Variants in STK35 observed in about 807,000 individuals in gnomAD.
STK35 encodes the protein serine/threonine kinase 35.
STK35 carries 17 observed loss-of-function variants against 37.3 expected under a neutral mutation model. The observed-to-expected ratio is 0.46, with a 90% CI of 0.31 to 0.68. The LOEUF (loss-of-function observed/expected upper bound fraction) is 0.68. STK35 is among the 30% of genes least tolerant of loss of function. The probability of loss-of-function intolerance (pLI) is 0.05; values close to 1 mark genes in which losing one functional copy is unlikely to be tolerated. For synonymous variants in STK35, 385 were observed against 319.1 expected (o/e 1.21, Z -2.20); for missense variants, 595 against 746.7 (o/e 0.80, Z 2.37).
At chr20:2,141,329 A>T (rs1020684011) in intron 3 of STK35, among the ~76,000 whole-genome samples, 5 of 152,238 alleles carry the variant, frequency 3.3e-5, no homozygotes, top group African/African-American at 1.2e-4. Context: ...ACCAAGGAAC[A>T]GAAGCAGCAG....
Position 2,117,082 on chromosome 20 carries a change from A to G in STK35, c.1309A>G (p.Ile437Val), listed in dbSNP as rs776919233. Residue 437 changes from isoleucine (I) to valine (V), a missense_variant, in exon 3 of 4, where the codon ATC becomes GTC. Around this residue, in one of 3 missense-constraint regions of STK35, gnomAD observed 109 missense variants for 280.3 expected, o/e 0.39. Transcript: ENST00000381482. The surrounding 1 kb of genome is among the most constrained non-coding windows in gnomAD (Gnocchi z 4.4). ...GGGACACTACACAGCCAAGGCGGAC[A>G]TCTTTGCCCTGGGCATTATCATCTG... ...WEGHYTAKADIFALGIIIWAM... is the reference protein window; with the variant it reads ...WEGHYTAKADVFALGIIIWAM... The G allele has an allele frequency of 1.2e-6, 2 of 1,614,056 alleles. No homozygotes were observed. Among genetic ancestry groups the G allele is most frequent in the Admixed American group, 3.3e-5 (2 of 60,012 alleles).
At chr20:2,118,380 A>G (rs1293665954) in intron 3 of STK35, among the ~76,000 whole-genome samples, 2 of 151,774 alleles carry the variant, frequency 1.3e-5, no homozygotes, top group Admixed American at 1.3e-4. Context: ...GGAGATCAAG[A>G]CCATCCTGGC....
intron 2 of STK35, among the ~76,000 whole-genome samples, chr20:2,106,604 G>C (rs924103122): frequency 5.9e-5 from 9 of 152,220 alleles, no homozygotes; most frequent in East Asian, 3.8e-4. Context: ...TCAGGAGTTA[G>C]GGAGAAGGTG....
intron 2 of STK35, among the ~76,000 whole-genome samples, chr20:2,107,056 C>T (rs1294666951): frequency 6.6e-6 from 1 of 152,230 alleles, no homozygotes; most frequent in Non-Finnish European, 1.5e-5. Context: ...ATACTTCTCA[C>T]ATAAAGGTTG....
rs1377767164 is a variant in STK35 at position 2,144,180 on chromosome 20, C to G, written c.*434C>G. 3 of 288,634 alleles carry G rather than the reference C, an allele frequency of 1.0e-5. No homozygotes were observed. Among genetic ancestry groups the G allele is most frequent in the Non-Finnish European group, 1.3e-5 (2 of 150,760 alleles). The allele number at this position is 288,634 out of a possible 1,614,324, so 17.9% of individuals were successfully genotyped here. A position where few individuals can be genotyped will look rare whatever the true frequency, so the allele number is the denominator to read the frequency against. The stretch of plus-strand genomic sequence containing the variant: ...TTCCTTCTTTATACTTTTCTCAGTT[C>G]TACTTATGACACCTCACTTCCCTAG... On this transcript the variant is annotated 3_prime_UTR_variant, in exon 4 of 4. Transcript: ENST00000381482.
At chr20:2,115,704 G>C (rs1435834067) in intron 2 of STK35, among the ~76,000 whole-genome samples, 1 of 152,112 alleles carries the variant, frequency 6.6e-6, no homozygotes, top group Non-Finnish European at 1.5e-5. Flanking sequence ...CTTGTACATC[G>C]ACTTTAGACT....
At chr20:2,124,560 A>T (rs902628640) in intron 3 of STK35, among the ~76,000 whole-genome samples, 3 of 152,148 alleles carry the variant, frequency 2.0e-5, no homozygotes, top group African/African-American at 7.2e-5. Flanking sequence ...CAATTCTTTA[A>T]TCCAGGCAGA....
At chr20:2,111,450 A>G (rs1339232451) in intron 2 of STK35, among the ~76,000 whole-genome samples, 1 of 152,094 alleles carries the variant, frequency 6.6e-6, no homozygotes, top group Non-Finnish European at 1.5e-5. Flanking sequence ...ATTACCCAGT[A>G]CTTAAGGAGG....
chr20:2,137,816 G>T (rs188185151), intron 3 of STK35, among the ~76,000 whole-genome samples: 1 of 145,448 alleles, frequency 6.9e-6, no homozygotes, highest in Admixed American at 6.7e-5. Context: ...GGGCTGGCAT[G>T]TTGATGTCTG....
Position 2,147,438 on chromosome 20 carries a change from G to A in STK35, c.*3692G>A, listed in dbSNP as rs1034294596. On this transcript the variant is annotated 3_prime_UTR_variant, in exon 4 of 4. Transcript: ENST00000381482. The stretch of plus-strand genomic sequence containing the variant: ...GGCATTGTGGGAATTTTCTTTTTAT[G>A]CTGTTAGCTGTTTACCTTCTTAGAA... The A allele has an allele frequency of 1.2e-4, 19 of 152,552 alleles. No homozygotes were observed. The highest frequency in any genetic ancestry group is 4.6e-4 in the African/African-American group (19 of 41,432). The allele number at this position is 152,552 out of a possible 1,614,324, so 9.4% of individuals were successfully genotyped here. A position where few individuals can be genotyped will look rare whatever the true frequency, so the allele number is the denominator to read the frequency against.
intron 2 of STK35, among the ~76,000 whole-genome samples, chr20:2,111,190 C>G (rs1035767616): frequency 6.6e-6 from 1 of 152,198 alleles, no homozygotes; most frequent in Non-Finnish European, 1.5e-5. Flanking sequence ...CAGTCGGCCA[C>G]TAGGCTGTCT....
At chr20:2,105,447 T>G (rs1490019411) in intron 2 of STK35, among the ~76,000 whole-genome samples, 1 of 152,206 alleles carries the variant, frequency 6.6e-6, no homozygotes, top group African/African-American at 2.4e-5. Flanking sequence ...TGGACTTTCC[T>G]CACCTGAAGA....
At chr20:2,107,984 T>C (rs1435808639) in intron 2 of STK35, among the ~76,000 whole-genome samples, 1 of 152,226 alleles carries the variant, frequency 6.6e-6, no homozygotes, top group Non-Finnish European at 1.5e-5. Flanking sequence ...GTGAAGTCAG[T>C]ACCGTGATTA....
At chr20:2,124,696 G>A (rs1985875030) in intron 3 of STK35, among the ~76,000 whole-genome samples, 1 of 152,174 alleles carries the variant, frequency 6.6e-6, no homozygotes, top group South Asian at 2.1e-4. Context: ...GAGTCAGAGT[G>A]TTTGGTTCTC....
At chr20:2,127,512 A>G (rs772124846) in intron 3 of STK35, among the ~76,000 whole-genome samples, 7 of 152,230 alleles carry the variant, frequency 4.6e-5, no homozygotes, top group Admixed American at 1.3e-4. Flanking sequence ...CTTGGTTTGC[A>G]TAGAACAGCA....
chr20:2,103,898 G>A (rs144573408), intron 2 of STK35, among the ~76,000 whole-genome samples: 52 of 152,174 alleles, frequency 3.4e-4, no homozygotes, highest in African/African-American at 1.2e-3. Flanking sequence ...TGAGGCCCCC[G>A]GCCCTTCATC....
Position 2,135,265 on chromosome 20 carries a change from C to A in STK35, c.*38-8519C>A, listed in dbSNP as rs565191056. Among the ~76,000 whole-genome samples, 13 of 152,294 alleles carry A rather than the reference C, an allele frequency of 8.5e-5. No homozygotes were observed. In the East Asian group the frequency reaches 1.7e-3, roughly 20 times the overall value. On this transcript the variant is annotated intron_variant, in intron 3 of 3. Transcript: ENST00000381482. ...TCAGAGAATCCGTGGGACTGGCTTC[C>A]TCTGGATACACTTAAGTGGGTGAAC...
intron 2 of STK35, among the ~76,000 whole-genome samples, chr20:2,105,703 TGC>T: frequency 8.5e-6 from 1 of 117,492 alleles, no homozygotes; most frequent in Admixed American, 9.5e-5. Flanking sequence ...AGGAATTCAC[TGC>T]CTTATATAAG....
Position 2,103,378 on chromosome 20 carries a change from C to T in STK35, c.892+13C>T, listed in dbSNP as rs746927311. On this transcript the variant is annotated intron_variant, in intron 2 of 3. Transcript: ENST00000381482. ...ACCTCGCTGAAAGGTAGGAGCACCG[C>T]GGGCCTTTCCACCCACGCAGGGCCT... The T allele has an allele frequency of 6.2e-7, 1 of 1,603,324 alleles. No individual in the cohort carries two copies. The highest frequency in any genetic ancestry group is 1.3e-5 in the African/African-American group (1 of 74,804).
Sources: gnomAD v4.1 joint callset for allele counts (sites outside exome capture counted in the v4.1 genomes callset) on GRCh38, gnomAD v4.1.1 for gene constraint, gnomAD v4.1.1 regional missense constraint, Gnocchi (gnomAD v3.1) non-coding constraint, MANE v1.5 for transcripts, NCBI Gene and HGNC (gene_info 2026-07-23, HGNC 2026-07-21) for gene names.